Variants in CERKL observed in about 807,000 individuals in gnomAD.
CERKL encodes CERK like autophagy regulator, also known as ceramide kinase-like protein.
A neutral mutation model predicts 63.4 loss-of-function variants in CERKL; 61 were observed. That is an observed-to-expected ratio of 0.96 (90% CI 0.78 to 1.19). The LOEUF (loss-of-function observed/expected upper bound fraction) is 1.19, where lower values mean the gene tolerates loss of function less well. CERKL is among the 50% of genes most tolerant of loss of function. The pLI, the probability that CERKL is intolerant of heterozygous loss-of-function variation, is 0.00. For missense variants in CERKL, 675 were observed against 655.5 expected (o/e 1.03, Z -0.33); for synonymous variants, 250 against 230.5 (o/e 1.08, Z -0.77).
At chr2:181,640,992 T>C (rs888010024) in intron 1 of CERKL, among the ~76,000 whole-genome samples, 1 of 152,164 alleles carries the variant, frequency 6.6e-6, no homozygotes, top group Non-Finnish European at 1.5e-5. Context: ...AGTGTTTGCC[T>C]TCAGATGCTG....
chr2:181,598,052 A>T (rs1166107105), intron 2 of CERKL, among the ~76,000 whole-genome samples: 1 of 152,182 alleles, frequency 6.6e-6, no homozygotes, highest in Non-Finnish European at 1.5e-5. Context: ...ACGCTGTTGA[A>T]GACGCAGCAG....
At chr2:181,628,426 A>G (rs1174409454) in intron 1 of CERKL, among the ~76,000 whole-genome samples, 1 of 152,182 alleles carries the variant, frequency 6.6e-6, no homozygotes, top group South Asian at 2.1e-4. Context: ...AAAAATAACT[A>G]TGGATTTGTT....
chr2:181,581,797 T>C (rs1684525168), intron 2 of CERKL, among the ~76,000 whole-genome samples: 1 of 152,204 alleles, frequency 6.6e-6, no homozygotes, highest in African/African-American at 2.4e-5. Flanking sequence ...GGTAGAACAC[T>C]TGGCAATAGT....
At chr2:181,611,227 A>G (rs1338494059) in intron 1 of CERKL, among the ~76,000 whole-genome samples, 2 of 151,766 alleles carry the variant, frequency 1.3e-5, no homozygotes, top group Admixed American at 1.3e-4. Context: ...CATCTCAAAA[A>G]AATAATAATA....
intron 1 of CERKL, among the ~76,000 whole-genome samples, chr2:181,639,208 G>A (rs1041858371): frequency 2.6e-5 from 4 of 152,128 alleles, no homozygotes; most frequent in African/African-American, 9.7e-5. Flanking sequence ...TACATGCTGA[G>A]ATGCTTACAG....
chr2:181,543,884 T>A (rs1463902012), intron 11 of CERKL, among the ~76,000 whole-genome samples: 1 of 148,998 alleles, frequency 6.7e-6, no homozygotes, highest in Non-Finnish European at 1.5e-5. Context: ...CTCGGGAGGC[T>A]GAGGCAGGAG....
Position 181,638,422 on chromosome 2 carries a change from C to T in CERKL, c.238+18347G>A, listed in dbSNP as rs150369631. The stretch of plus-strand genomic sequence containing the variant: ...GACAGCTGAGTGAATGTCAAAAGAA[C>T]TCAGAAGTCAAGATGAAGGGGCTCC... On this transcript the variant is annotated intron_variant, in intron 1 of 12. Coordinates refer to ENST00000410087, the MANE Select transcript of CERKL (RefSeq NM_201548.5). Among the ~76,000 whole-genome samples the T allele has an allele frequency of 1.4e-3, 219 of 152,262 alleles. No individual in the cohort carries two copies. In the Middle Eastern group the frequency reaches 0.02, roughly 14 times the overall value.
chr2:181,653,148 C>A lies in CERKL; in HGVS notation c.238+3621G>T, dbSNP rs1452965516. ...AAGACATATAAATGATCAACAGGTG[C>A]ATTTAAAAGATACTTGACATCACTA... On this transcript the variant is annotated intron_variant, in intron 1 of 12. Transcript: ENST00000410087. Among the ~76,000 whole-genome samples, 7 of 152,118 alleles carry A rather than the reference C, an allele frequency of 4.6e-5. 1 individual carries two copies. The highest frequency in any genetic ancestry group is 7.4e-5 in the Non-Finnish European group (5 of 68,024).
At chr2:181,560,196 C>T (rs1387259686) in intron 4 of CERKL, among the ~76,000 whole-genome samples, 1 of 152,138 alleles carries the variant, frequency 6.6e-6, no homozygotes, top group South Asian at 2.1e-4. Context: ...TGAACTTAAA[C>T]GTAACCCTCA....
intron 1 of CERKL, among the ~76,000 whole-genome samples, chr2:181,619,329 T>C (rs1186345078): frequency 6.6e-6 from 1 of 151,864 alleles, no homozygotes. Context: ...ACCTAGTCTT[T>C]TTTTTTTTGG....
At chr2:181,616,428 G>A (rs768545838) in intron 1 of CERKL, among the ~76,000 whole-genome samples, 11 of 151,986 alleles carry the variant, frequency 7.2e-5, no homozygotes, top group Non-Finnish European at 1.0e-4. Flanking sequence ...TAGCCAGGAC[G>A]GTCTCAATCT....
intron 1 of CERKL, among the ~76,000 whole-genome samples, chr2:181,632,721 G>T (rs1687019860): frequency 1.3e-5 from 2 of 152,158 alleles, no homozygotes; most frequent in Non-Finnish European, 2.9e-5. Flanking sequence ...AGTACCTGAA[G>T]GCGCTTTTCC....
chr2:181,603,532 A>G (rs1430869100), intron 2 of CERKL, among the ~76,000 whole-genome samples: 1 of 152,194 alleles, frequency 6.6e-6, no homozygotes, highest in African/African-American at 2.4e-5. Context: ...CAAATTCAAT[A>G]GCATCTTTAA....
chr2:181,626,115 T>C (rs1253199374), intron 1 of CERKL, among the ~76,000 whole-genome samples: 1 of 152,102 alleles, frequency 6.6e-6, no homozygotes, highest in Non-Finnish European at 1.5e-5. Context: ...CTAACAGATA[T>C]TCTGACCCCA....
chr2:181,583,885 A>G (rs1684644188), intron 2 of CERKL, among the ~76,000 whole-genome samples: 1 of 152,238 alleles, frequency 6.6e-6, no homozygotes, highest in South Asian at 2.1e-4. Flanking sequence ...TATGGAAAAT[A>G]TGGAGAATTT....
chr2:181,633,898 TA>T (rs1308561405), intron 1 of CERKL, among the ~76,000 whole-genome samples: 1 of 152,098 alleles, frequency 6.6e-6, no homozygotes, highest in Non-Finnish European at 1.5e-5. Flanking sequence ...GCACAGGATA[TA>T]AACTGACCAA....
At chr2:181,556,905 G>T (rs1218671508) in intron 5 of CERKL, among the ~76,000 whole-genome samples, 1 of 152,156 alleles carries the variant, frequency 6.6e-6, no homozygotes, top group South Asian at 2.1e-4. Flanking sequence ...TCCAGCACCT[G>T]TTGTTTCCTG....
rs1245812811 is a variant in CERKL at position 181,548,821 on chromosome 2, G to A, written c.932C>T (p.Thr311Ile). 5 of 1,614,060 alleles carry A rather than the reference G, an allele frequency of 3.1e-6. No individual in the cohort carries two copies. The highest frequency in any genetic ancestry group is 4.2e-6 in the Non-Finnish European group (5 of 1,179,956). ...CCCAAAGCGAAGAAGCTTGCCAGCG[G>A]TGCTGAAGGTGCAGACGTCGACCAG... ...VQLVDVCTFS[T>I]AGKLLRFGFS... Residue 311 changes from threonine (T) to isoleucine (I), a missense_variant, in exon 7 of 13, where the codon ACC (threonine) becomes ATC (isoleucine). By Grantham distance (89) the Thr-to-Ile change is moderately conservative. Coordinates refer to ENST00000410087, the MANE Select transcript of CERKL (RefSeq NM_201548.5).
intron 5 of CERKL, among the ~76,000 whole-genome samples, chr2:181,554,241 C>T (rs934406482): frequency 6.6e-6 from 1 of 150,766 alleles, no homozygotes; most frequent in African/African-American, 2.4e-5. Flanking sequence ...TAACCAGATA[C>T]CATGAATATT....
Sources: gnomAD v4.1 joint callset for allele counts (sites outside exome capture counted in the v4.1 genomes callset) on GRCh38, gnomAD v4.1.1 for gene constraint, MANE v1.5 for transcripts, NCBI Gene and HGNC (gene_info 2026-07-23, HGNC 2026-07-21) for gene names.